Variants in FAM149B1 observed in about 807,000 individuals in gnomAD.
FAM149B1 encodes family with sequence similarity 149 member B1.
FAM149B1 carries 56 observed loss-of-function variants against 75.3 expected under a neutral mutation model. The ratio of observed to expected loss-of-function variants is 0.74; its 90% CI spans 0.60 to 0.93. FAM149B1 has a LOEUF of 0.93. Among genes scored for constraint, FAM149B1 ranks in the 40% least tolerant of loss-of-function variants. The pLI, the probability that FAM149B1 is intolerant of heterozygous loss-of-function variation, is 0.00. For synonymous variants in FAM149B1, 259 were observed against 256.1 expected, an observed-to-expected ratio of 1.01 and a Z score of -0.11; for missense variants, 639 against 708.4, an observed-to-expected ratio of 0.90 and a Z score of 1.11.
intron 5 of FAM149B1, among the ~76,000 whole-genome samples, chr10:73,206,007 G>C (rs2043046094): frequency 6.6e-6 from 1 of 152,204 alleles, no homozygotes; most frequent in Admixed American, 6.5e-5. Flanking sequence ...AAGACAACAG[G>C]AAGAGGGAAA....
intron 12 of FAM149B1, 23 bp downstream of exon 12, chr10:73,235,341 A>G (rs748163879): frequency 2.6e-5 from 41 of 1,550,802 alleles, no homozygotes; most frequent in Non-Finnish European, 3.3e-5. Context: ...ACTTCCTAGA[A>G]TGGTCTTGAT....
intron 7 of FAM149B1, among the ~76,000 whole-genome samples, chr10:73,219,961 G>A (rs2043372869): frequency 6.6e-6 from 1 of 151,220 alleles, no homozygotes; most frequent in Non-Finnish European, 1.5e-5. Context: ...GGAAGCGAAA[G>A]ACAACCTGTG....
intron 7 of FAM149B1, among the ~76,000 whole-genome samples, chr10:73,223,188 C>G (rs1051078967): frequency 2.6e-5 from 4 of 152,096 alleles, no homozygotes; most frequent in African/African-American, 9.7e-5. Context: ...CTCCAGAAGC[C>G]TTTCTCATGC....
intron 5 of FAM149B1, among the ~76,000 whole-genome samples, chr10:73,202,661 C>G (rs1209384427): frequency 6.6e-6 from 1 of 150,674 alleles, no homozygotes; most frequent in East Asian, 2.0e-4. Context: ...CCCAACCGCC[C>G]TTCATCCCTT....
intron 12 of FAM149B1, among the ~76,000 whole-genome samples, chr10:73,238,504 G>A (rs925035405): frequency 1.3e-5 from 2 of 152,228 alleles, no homozygotes; most frequent in African/African-American, 4.8e-5. Flanking sequence ...ACTTTTATTG[G>A]AGCAGTGCCA....
At chr10:73,212,496 G>C (rs1190693541) in intron 7 of FAM149B1, among the ~76,000 whole-genome samples, 6 of 152,110 alleles carry the variant, frequency 3.9e-5, no homozygotes, top group Admixed American at 3.9e-4. Flanking sequence ...TGTTGGTCTT[G>C]AACTCCTCAC....
At chr10:73,196,662 A>G (rs2042812993) in intron 5 of FAM149B1, among the ~76,000 whole-genome samples, 1 of 152,004 alleles carries the variant, frequency 6.6e-6, no homozygotes, top group African/African-American at 2.4e-5. Flanking sequence ...TTTTTAATTC[A>G]GGGTTGATCC....
At chr10:73,224,625 C>T (rs1218466067) in intron 7 of FAM149B1, among the ~76,000 whole-genome samples, 5 of 151,986 alleles carry the variant, frequency 3.3e-5, no homozygotes, top group Non-Finnish European at 7.4e-5. Flanking sequence ...GTGCCTGCCA[C>T]CACACCCAGC....
intron 3 of FAM149B1, among the ~76,000 whole-genome samples, chr10:73,190,854 G>C (rs568627351): frequency 1.1e-4 from 17 of 152,070 alleles, no homozygotes; most frequent in African/African-American, 3.9e-4. Flanking sequence ...GAGTAGCTGG[G>C]ACTATAGGCA....
chr10:73,243,880 A>T lies in FAM149B1; in HGVS notation c.*2861A>T, dbSNP rs1460369621. ...CTTCAGGCTATCCACGCCTTCATCAAGCCCCAACTCCTTTCTGCTCATTTC... is the reference window on the plus strand; with the variant it reads ...CTTCAGGCTATCCACGCCTTCATCATGCCCCAACTCCTTTCTGCTCATTTC... On this transcript the variant is annotated 3_prime_UTR_variant, in exon 14 of 14. Coordinates refer to ENST00000242505, the MANE Select transcript of FAM149B1 (RefSeq NM_173348.2). 7.4e-6 allele frequency: 12 copies of T among 1,614,152 alleles called. No individual in the cohort carries two copies. Among genetic ancestry groups the T allele is most frequent in the African/African-American group, 1.3e-5 (1 of 75,042 alleles).
chr10:73,230,684 G>C (rs1018719005), intron 9 of FAM149B1, 159 bp downstream of exon 9: 1 of 562,696 alleles, frequency 1.8e-6, no homozygotes, highest in Admixed American at 3.0e-5. Flanking sequence ...CCATCAGGGG[G>C]CTGATAATGT....
intron 3 of FAM149B1, among the ~76,000 whole-genome samples, chr10:73,180,869 TG>T (rs2042378894): frequency 6.6e-6 from 1 of 152,136 alleles, no homozygotes; most frequent in Non-Finnish European, 1.5e-5. Context: ...CTGTTTTTTT[TG>T]TACCCAATAA....
intron 11 of FAM149B1, 23 bp downstream of exon 11, chr10:73,234,963 C>T (rs1384998420): frequency 1.3e-6 from 2 of 1,550,874 alleles, no homozygotes; most frequent in Non-Finnish European, 1.7e-6. Flanking sequence ...CATATTGCCT[C>T]TCCATGTACT....
At chr10:73,188,732 AG>A (rs1187854058) in intron 3 of FAM149B1, among the ~76,000 whole-genome samples, 35 of 135,842 alleles carry the variant, frequency 2.6e-4, no homozygotes, top group Admixed American at 3.1e-4. Flanking sequence ...CTCAGAAAAA[AG>A]AAAAAAAAAA....
Position 73,210,397 on chromosome 10 carries a change from T to C in FAM149B1, c.857T>C (p.Met286Thr). The change falls in exon 7 of 14, where the codon ATG becomes ACG. Residue 286 changes from methionine (M) to threonine (T), a missense_variant. Transcript: ENST00000242505. ...DSVWCKVVSCMEQLTRSHWEG... is the reference protein window; with the variant it reads ...DSVWCKVVSCTEQLTRSHWEG... ...GTATGGTGCAAGGTTGTGAGCTGTA[T>C]GGAGCAGTTGACACGTAGTCACTGG... 1 of 1,549,506 alleles carries C rather than the reference T, an allele frequency of 6.5e-7. No homozygotes were observed. The highest frequency in any genetic ancestry group is 8.7e-7 in the Non-Finnish European group (1 of 1,146,278).
At chr10:73,232,530 T>C (rs2043729945) in intron 9 of FAM149B1, among the ~76,000 whole-genome samples, 2 of 152,348 alleles carry the variant, frequency 1.3e-5, no homozygotes, top group African/African-American at 4.8e-5. Flanking sequence ...CTTTCAGTTG[T>C]CTTTCTGGTG....
chr10:73,239,959 C>G (rs1288525141), intron 13 of FAM149B1, among the ~76,000 whole-genome samples: 1 of 152,182 alleles, frequency 6.6e-6, no homozygotes, highest in East Asian at 1.9e-4. Context: ...CAGTCTCACT[C>G]TGCTGATCAG....
At chr10:73,171,039 C>T (rs1843689046) in intron 1 of FAM149B1, among the ~76,000 whole-genome samples, 1 of 151,294 alleles carries the variant, frequency 6.6e-6, no homozygotes, top group African/African-American at 2.4e-5. Context: ...GCCATCTTGG[C>T]TCAGTTGCAA....
chr10:73,209,287 A>C (rs2043134282), intron 6 of FAM149B1, among the ~76,000 whole-genome samples: 1 of 152,122 alleles, frequency 6.6e-6, no homozygotes, highest in Non-Finnish European at 1.5e-5. Flanking sequence ...CATCTCTACT[A>C]AAAATACAAA....
Sources: allele counts gnomAD v4.1 joint callset (sites outside exome capture counted in the v4.1 genomes callset), GRCh38; gene constraint gnomAD v4.1.1; transcripts MANE v1.5; gene names NCBI Gene and HGNC (gene_info 2026-07-23, HGNC 2026-07-21).